RBFA: variants seen among roughly 807,000 people sequenced by gnomAD.
The protein encoded by RBFA is putative ribosome-binding factor A, mitochondrial.
Under a neutral mutation model 27.9 loss-of-function variants are expected in RBFA, and 16 were observed. The ratio of observed to expected loss-of-function variants is 0.57; its 90% CI spans 0.39 to 0.87. The LOEUF (loss-of-function observed/expected upper bound fraction) is 0.87, where lower values mean the gene tolerates loss of function less well. RBFA is among the 40% of genes least tolerant of loss of function. RBFA has a pLI of 0.00. For synonymous variants in RBFA, 181 were observed against 181.0 expected (o/e 1.00, Z 0.00); for missense variants, 456 against 432.1 (o/e 1.06, Z -0.49).
rs1286185972 is a variant in RBFA, at chr18:80,048,026, A to G, written c.*1871A>G. 3 of 152,236 alleles carry G rather than the reference A, an allele frequency of 2.0e-5. No homozygotes were observed. The highest frequency in any genetic ancestry group is 4.4e-5 in the Non-Finnish European group (3 of 68,048). 9.4% of individuals were successfully genotyped at this position (152,236 alleles called of 1,614,324 possible). ...CATGGCTATGTGAATTCATTTATGT[A>G]CAAGAGACCTCCCCATCCTGATGTA... On this transcript the variant is annotated 3_prime_UTR_variant, in exon 7 of 7. Coordinates refer to ENST00000306735, the MANE Select transcript of RBFA (RefSeq NM_024805.3).
In RBFA at chr18:80,042,116, TGTGC is replaced by T. The variant is rs770094302; in HGVS notation, c.492-16_492-13del. 20 of 1,583,408 alleles carry T rather than the reference TGTGC, an allele frequency of 1.3e-5. No homozygotes were observed. Among genetic ancestry groups the T allele is most frequent in the Admixed American group, 3.5e-5 (2 of 56,956 alleles). On this transcript the variant is annotated splice_polypyrimidine_tract_variant and intron_variant, in intron 4 of 6. Coordinates refer to ENST00000306735, the MANE Select transcript of RBFA (RefSeq NM_024805.3). ...GTGTCACGGCACAGCTGTGAGGGTCTGTGCGTTCTGTCTCCTAGGCACCTTTTGA... is the reference window on the plus strand; with the variant it reads ...GTGTCACGGCACAGCTGTGAGGGTCTGTTCTGTCTCCTAGGCACCTTTTGA...
At chr18:80,042,035 T>G in intron 4 of RBFA, 100 bp from the exon 5 acceptor site, 1 of 814,862 alleles carries the variant, frequency 1.2e-6, no homozygotes, top group South Asian at 2.3e-5. Flanking sequence ...CTCTCACTCC[T>G]GCCTCTTGGT....
intron 4 of RBFA, among the ~76,000 whole-genome samples, chr18:80,039,355 C>G (rs1342908567): frequency 6.6e-6 from 1 of 152,190 alleles, no homozygotes; most frequent in Non-Finnish European, 1.5e-5. Context: ...AAATCCGAGA[C>G]AGTTTATCAA....
intron 6 of RBFA, 43 bp downstream of exon 6, chr18:80,044,328 C>A: frequency 6.5e-7 from 1 of 1,536,508 alleles, no homozygotes; most frequent in Non-Finnish European, 9.0e-7. Context: ...GGGGTACATT[C>A]CTGGGTGTGG....
At chr18:80,041,288 A>G (rs1361988657) in intron 4 of RBFA, 3 of 151,940 alleles carry the variant, frequency 2.0e-5, no homozygotes, top group Non-Finnish European at 4.4e-5. Flanking sequence ...CCTCTTCCCA[A>G]CTCCTGCGGT....
At chr18:80,045,540 C>T (rs527883060) in intron 6 of RBFA, among the ~76,000 whole-genome samples, 25 of 152,114 alleles carry the variant, frequency 1.6e-4, no homozygotes, top group Non-Finnish European at 2.8e-4. Context: ...GCATTTATTG[C>T]ATACAGGACG....
chr18:80,041,648 A>T (rs2052016439), intron 4 of RBFA: 1 of 152,096 alleles, frequency 6.6e-6, no homozygotes, highest in South Asian at 2.1e-4. Context: ...TTGATGTGGT[A>T]GTTGACTAAA....
chr18:80,040,002 C>T (rs1228738793), intron 4 of RBFA, among the ~76,000 whole-genome samples: 3 of 152,022 alleles, frequency 2.0e-5, no homozygotes, highest in East Asian at 3.9e-4. Flanking sequence ...CTCTGCCTCC[C>T]GGGTTCAAGT....
At chr18:80,041,372 A>G (rs1335552232) in intron 4 of RBFA, 3 of 152,120 alleles carry the variant, frequency 2.0e-5, no homozygotes. Context: ...CGCTGGTTAT[A>G]TGTGCCGTGC....
Position 80,048,884 on chromosome 18 carries a change from G to A in RBFA, c.*2729G>A, listed in dbSNP as rs12327044. Among the ~76,000 whole-genome samples the A allele has an allele frequency of 2.5e-3, 339 of 137,414 alleles. No individual in the cohort carries two copies. Among genetic ancestry groups the A allele is most frequent in the African/African-American group, 9.5e-3 (313 of 33,010 alleles). The allele number at this position is 137,414 out of a possible 152,430, so 90.1% of individuals were successfully genotyped here. A position where few individuals can be genotyped will look rare whatever the true frequency, so the allele number is the denominator to read the frequency against. On this transcript the variant is annotated 3_prime_UTR_variant, in exon 7 of 7. Transcript: ENST00000306735. ...TTTGCAGGGGATCCAACCAGGCGTC[G>A]GCTCAGTGCCTCCTAGAAAGTGGAG...
intron 2 of RBFA, 42 bp from the exon 3 acceptor site, chr18:80,037,288 T>G: frequency 6.3e-7 from 1 of 1,582,260 alleles, no homozygotes; most frequent in Non-Finnish European, 8.6e-7. Flanking sequence ...GAGTTTGGAG[T>G]TGTAACGCTG....
rs2052056093 is a variant in RBFA, at chr18:80,046,562, C to T, written c.*407C>T. On this transcript the variant is annotated 3_prime_UTR_variant, in exon 7 of 7. Coordinates refer to ENST00000306735, the MANE Select transcript of RBFA (RefSeq NM_024805.3). ...ACAGAGGGTCCCCAGAGCCTCCCAACCCCCTGGAGCTGGGCTCCGTCCCTG... is the reference window on the plus strand; with the variant it reads ...ACAGAGGGTCCCCAGAGCCTCCCAATCCCCTGGAGCTGGGCTCCGTCCCTG... 1.3e-5 allele frequency among the ~76,000 whole-genome samples: 2 copies of T among 152,352 alleles called. No homozygotes were observed. The highest frequency in any genetic ancestry group is 2.1e-4 in the South Asian group (1 of 4,830).
chr18:80,043,739 G>A (rs554951778), intron 5 of RBFA, among the ~76,000 whole-genome samples: 1 of 152,350 alleles, frequency 6.6e-6, no homozygotes, highest in Admixed American at 6.5e-5. Flanking sequence ...CATCCCATGA[G>A]CCTGGCTGAG....
Position 80,034,539 on chromosome 18 carries a change from T to C in RBFA, c.44T>C (p.Leu15Pro). 3 of 1,599,066 alleles carry C rather than the reference T, an allele frequency of 1.9e-6. No individual in the cohort carries two copies. The highest frequency in any genetic ancestry group is 2.6e-6 in the Non-Finnish European group (3 of 1,176,168). The change falls in exon 1 of 7, where the codon CTC becomes CCC. Residue 15 changes from leucine (L) to proline (P), a missense_variant. Transcript: ENST00000306735. ...GGGCTGTGGCGCTCCCGCGCGGGTC[T>C]CCGGGCCCTGTTCCGTAGCCGCGAT... ...AGGLWRSRAG[L>P]RALFRSRDAA... is the part of the protein sequence containing the mutation.
rs936900391 is a variant in RBFA, at chr18:80,047,163, G to A, written c.*1008G>A. Reference sequence around the variant, plus strand: ...GCAGCAGGGCTGTGAGAATCAAGACGGCACAGGGAAGGCATCTGTCCCAGC... The same window carrying A: ...GCAGCAGGGCTGTGAGAATCAAGACAGCACAGGGAAGGCATCTGTCCCAGC... On this transcript the variant is annotated 3_prime_UTR_variant, in exon 7 of 7. Coordinates refer to ENST00000306735, the MANE Select transcript of RBFA (RefSeq NM_024805.3). The A allele has an allele frequency of 2.6e-5, 4 of 152,258 alleles. No individual in the cohort carries two copies. In the East Asian group the frequency reaches 5.8e-4, roughly 22 times the overall value. The allele number at this position is 152,258 out of a possible 1,614,324, so 9.4% of individuals were successfully genotyped here.
chr18:80,038,656 T>G (rs778649010), intron 4 of RBFA, 39 bp downstream of exon 4: 1 of 1,446,316 alleles, frequency 6.9e-7, no homozygotes, highest in South Asian at 1.2e-5. Context: ...TGCTTTTTGC[T>G]CATACCCTAA....
intron 4 of RBFA, among the ~76,000 whole-genome samples, chr18:80,040,847 T>C (rs755202456): frequency 1.8e-4 from 28 of 152,216 alleles, no homozygotes; most frequent in Non-Finnish European, 2.4e-4. Flanking sequence ...GGATCTTCAG[T>C]AATTTTTAAG....
chr18:80,046,228 A>G lies in RBFA; in HGVS notation c.*73A>G. On this transcript the variant is annotated 3_prime_UTR_variant, in exon 7 of 7. Coordinates refer to ENST00000306735, the MANE Select transcript of RBFA (RefSeq NM_024805.3). ...CGCAACGCAGCATGTGGCTTCATTG[A>G]GGCAGTTGATGGAGTTAAACCATCT... 6.6e-7 allele frequency: 1 copy of G among 1,510,756 alleles called. No homozygotes were observed. 93.6% of individuals were successfully genotyped at this position (1,510,756 alleles called of 1,614,324 possible).
At chr18:80,040,024 C>T (rs1031099136) in intron 4 of RBFA, among the ~76,000 whole-genome samples, 1 of 152,096 alleles carries the variant, frequency 6.6e-6, no homozygotes, top group Non-Finnish European at 1.5e-5. Flanking sequence ...ATTCTCATGC[C>T]TCAGCCTCCT....
Sources: allele counts gnomAD v4.1 joint callset (sites outside exome capture counted in the v4.1 genomes callset), GRCh38; gene constraint gnomAD v4.1.1; transcripts MANE v1.5; gene names NCBI Gene and HGNC (gene_info 2026-07-23, HGNC 2026-07-21).